The following NIFK variants were observed in gnomAD, a reference collection of about 807,000 sequenced individuals.
NIFK encodes the protein MKI67 FHA domain-interacting nucleolar phosphoprotein.
A neutral mutation model predicts 31.7 loss-of-function variants in NIFK; 16 were observed. The observed-to-expected ratio is 0.50, with a 90% CI of 0.34 to 0.77. The LOEUF (loss-of-function observed/expected upper bound fraction) is 0.77, where lower values mean the gene tolerates loss of function less well. Among genes scored for constraint, NIFK ranks in the 30% least tolerant of loss-of-function variants. The pLI is 0.01. For synonymous variants in NIFK, 126 were observed against 123.0 expected, an observed-to-expected ratio of 1.02 and a Z score of -0.16; for missense variants, 341 against 350.4, an observed-to-expected ratio of 0.97 and a Z score of 0.21.
At chr2:121,735,490 C>T in intron 2 of NIFK, 123 bp downstream of exon 2, 1 of 1,057,058 alleles carries the variant, frequency 9.5e-7, no homozygotes, top group South Asian at 1.4e-5. Context: ...TCTAAACCTC[C>T]TCCACTCTCC....
intron 4 of NIFK, among the ~76,000 whole-genome samples, chr2:121,729,261 T>G (rs1251262700): frequency 1.4e-5 from 2 of 146,112 alleles, no homozygotes; most frequent in Non-Finnish European, 3.0e-5. Context: ...CAGCTACTCG[T>G]GGGGGCTGAG....
rs764264805 is a variant in NIFK, at chr2:121,735,663, A to C, written c.193T>G (p.Phe65Val). ...CGTGTCACAGTGCCAAACTGGGAGA[A>C]ATATGAAAAGATCTGGGTTTCGTCA... ...LLDETQIFSY[F>V]SQFGTVTRFR... Residue 65 changes from phenylalanine to valine, a missense_variant, in exon 2 of 7, where the codon TTC becomes GTC. Physicochemically the swap from Phe to Val is conservative, Grantham distance 50. Transcript: ENST00000285814. 1.9e-6 allele frequency: 3 copies of C among 1,612,640 alleles called. No homozygotes were observed. In the East Asian group the frequency reaches 6.7e-5, roughly 36 times the overall value.
Position 121,727,581 on chromosome 2 carries a change from A to C in NIFK, c.*143T>G. On this transcript the variant is annotated 3_prime_UTR_variant, in exon 7 of 7. Transcript: ENST00000285814. ...AAGGGCAGGCAATCCAAAATTACAC[A>C]CTGCTTTCCTTAACTTGACCAAACA... The C allele has an allele frequency of 1.3e-6, 1 of 785,328 alleles. No individual in the cohort carries two copies. Among genetic ancestry groups the C allele is most frequent in the East Asian group, 2.7e-5 (1 of 37,434 alleles). The allele number at this position is 785,328 out of a possible 1,614,324, so 48.6% of individuals were successfully genotyped here. A position where few individuals can be genotyped will look rare whatever the true frequency, so the allele number is the denominator to read the frequency against.
chr2:121,732,213 G>C lies in NIFK; in HGVS notation c.244-9C>G. 1 of 1,520,064 alleles carries C rather than the reference G, an allele frequency of 6.6e-7. No individual in the cohort carries two copies. The highest frequency in any genetic ancestry group is 9.1e-7 in the Non-Finnish European group (1 of 1,100,558). 94.2% of individuals were successfully genotyped at this position (1,520,064 alleles called of 1,614,324 possible). ...CCTTTGCTATTTCCAGTCTGCAACAGAGAAACCGCCACAAAAAGTAGAACA... is the reference window on the plus strand; with the variant it reads ...CCTTTGCTATTTCCAGTCTGCAACACAGAAACCGCCACAAAAAGTAGAACA... On this transcript the variant is annotated splice_polypyrimidine_tract_variant and intron_variant, in intron 2 of 6. Transcript: ENST00000285814.
At chr2:121,734,106 AG>A (rs533149033) in intron 2 of NIFK, among the ~76,000 whole-genome samples, 19,015 of 152,064 alleles carry the variant, frequency 0.13, 2,765 homozygotes, top group African/African-American at 0.35. Context: ...TGGCCAAAAC[AG>A]TGTTTAGTAG....
chr2:121,727,598 G>C lies in NIFK; in HGVS notation c.*126C>G. On this transcript the variant is annotated 3_prime_UTR_variant, in exon 7 of 7. Coordinates refer to ENST00000285814, the MANE Select transcript of NIFK (RefSeq NM_032390.5). Reference sequence around the variant, plus strand: ...AATTACACACTGCTTTCCTTAACTTGACCAAACAGTGTATTTTTCCTCTGA... The same window carrying C: ...AATTACACACTGCTTTCCTTAACTTCACCAAACAGTGTATTTTTCCTCTGA... 1 of 839,142 alleles carries C rather than the reference G, an allele frequency of 1.2e-6. No homozygotes were observed. The allele number at this position is 839,142 out of a possible 1,614,324, so 52.0% of individuals were successfully genotyped here.
chr2:121,736,753 A>T lies in NIFK; in HGVS notation c.98T>A (p.Ile33Lys), dbSNP rs766932290. The T allele has an allele frequency of 1.4e-5, 23 of 1,613,646 alleles. No individual in the cohort carries two copies. Among genetic ancestry groups the T allele is most frequent in the Non-Finnish European group, 1.8e-5 (21 of 1,179,644 alleles). The part of the protein sequence containing the change: ...QKEVAQVRKR[I>K]TQRKKQEQLT... ...GCCAGGGTGCCTGCTCACCTGGGTT[A>T]TGCGCTTGCGAACCTGCGCCACCTC... Residue 33 changes from isoleucine to lysine, a missense_variant, in exon 1 of 7, where the codon ATA (isoleucine) becomes AAA (lysine). Physicochemically the swap from Ile to Lys is moderately radical, Grantham distance 102. Coordinates refer to ENST00000285814, the MANE Select transcript of NIFK (RefSeq NM_032390.5).
In NIFK at chr2:121,736,767, C is replaced by A. The variant is rs570833395; in HGVS notation, c.84G>T (p.Gln28His). 1 of 1,614,130 alleles carries A rather than the reference C, an allele frequency of 6.2e-7. No homozygotes were observed. The highest frequency in any genetic ancestry group is 1.7e-5 in the Admixed American group (1 of 60,026). ...EDVEFQKEVAQVRKRITQRKK... is the reference protein window; with the variant it reads ...EDVEFQKEVAHVRKRITQRKK... ...TCACCTGGGTTATGCGCTTGCGAAC[C>A]TGCGCCACCTCCTTTTGAAACTCGA... Residue 28 changes from glutamine to histidine, a missense_variant, in exon 1 of 7, where the codon CAG becomes CAT. By Grantham distance (24) the Gln-to-His change is conservative. Transcript: ENST00000285814.
chr2:121,732,159 C>T lies in NIFK; in HGVS notation c.289G>A (p.Asp97Asn). 1.2e-6 allele frequency: 2 copies of T among 1,613,746 alleles called. No individual in the cohort carries two copies. Among genetic ancestry groups the T allele is most frequent in the Non-Finnish European group, 1.7e-6 (2 of 1,179,630 alleles). Residue 97 changes from aspartate (D) to asparagine (N), a missense_variant, in exon 3 of 7, where the codon GAT becomes AAT. Physicochemically the swap from Asp to Asn is conservative, Grantham distance 23. Transcript: ENST00000285814. The part of the protein sequence containing the change: ...GYAFVEFESE[D>N]VAKIVAETMN... Reference sequence around the variant, plus strand: ...GTTTCAGCAACTATTTTGGCAACATCCTCAGACTCAAACTCCACAAATGCA... The same window carrying T: ...GTTTCAGCAACTATTTTGGCAACATTCTCAGACTCAAACTCCACAAATGCA...
At chr2:121,735,230 G>C (rs1165487059) in intron 2 of NIFK, among the ~76,000 whole-genome samples, 1 of 152,156 alleles carries the variant, frequency 6.6e-6, no homozygotes, top group Non-Finnish European at 1.5e-5. Flanking sequence ...ACTCTAACTA[G>C]TAAGGTGTAG....
rs1305035744 is a variant in NIFK, at chr2:121,732,087, A to C, written c.352+9T>G. On this transcript the variant is annotated intron_variant, in intron 3 of 6. Transcript: ENST00000285814. ...CCAGGCAACCCTGCGGTAAGACAGG[A>C]GCACTTACACTCCAAGAGTCTTTCA... 7.1e-6 allele frequency: 11 copies of C among 1,544,316 alleles called. No individual in the cohort carries two copies. The highest frequency in any genetic ancestry group is 9.8e-6 in the Non-Finnish European group (11 of 1,116,820).
intron 4 of NIFK, 37 bp downstream of exon 4, chr2:121,730,856 C>T (rs1211615350): frequency 6.7e-7 from 1 of 1,501,086 alleles, no homozygotes; most frequent in African/African-American, 1.4e-5. Flanking sequence ...CTCCCCTCCC[C>T]ACAACAAACC....
rs1289548450 is a variant in NIFK at position 121,731,021 on chromosome 2, C to G, written c.436G>C (p.Val146Leu). The G allele has an allele frequency of 6.2e-7, 1 of 1,612,978 alleles. No individual in the cohort carries two copies. Among genetic ancestry groups the G allele is most frequent in the Non-Finnish European group, 8.5e-7 (1 of 1,179,012 alleles). The change falls in exon 4 of 7, where the codon GTG becomes CTG. Residue 146 changes from valine to leucine, a missense_variant. By Grantham distance (32) the Val-to-Leu change is conservative. Transcript: ENST00000285814. ...GTCCGATTCCGATTATACCGTTTCA[C>G]TGATGGATATGATGGCTGCTTAAAT... Reference protein sequence around the residue: ...IPFKQPSYPSVKRYNRNRTLT... With the variant: ...IPFKQPSYPSLKRYNRNRTLT...
chr2:121,728,243 T>TA (rs768365051), intron 6 of NIFK, 45 bp downstream of exon 6: 2 of 1,187,150 alleles, frequency 1.7e-6, no homozygotes, highest in Middle Eastern at 2.8e-4. Context: ...TCCTTCAAAT[T>TA]ATTTCTATAA....
chr2:121,729,715 C>T (rs750595266), intron 4 of NIFK, among the ~76,000 whole-genome samples: 2 of 152,182 alleles, frequency 1.3e-5, no homozygotes, highest in African/African-American at 4.8e-5. Flanking sequence ...CAGGCACACA[C>T]TACCTCAACT....
chr2:121,731,167 C>T, intron 3 of NIFK, 63 bp from the exon 4 acceptor site: 2 of 884,266 alleles, frequency 2.3e-6, no homozygotes, highest in Non-Finnish European at 1.8e-6. Context: ...CTCCGCAGTG[C>T]CATTCCTCAC....
At chr2:121,732,490 C>T (rs918333099) in intron 2 of NIFK, among the ~76,000 whole-genome samples, 1 of 152,078 alleles carries the variant, frequency 6.6e-6, no homozygotes, top group Non-Finnish European at 1.5e-5. Context: ...AACAACACTC[C>T]GTGATATTAA....
intron 4 of NIFK, among the ~76,000 whole-genome samples, chr2:121,730,179 A>C (rs1298631165): frequency 6.6e-6 from 1 of 152,100 alleles, no homozygotes; most frequent in African/African-American, 2.4e-5. Context: ...GTGCCACTGC[A>C]CTCCAGCCTG....
At chr2:121,731,322 T>C (rs1361253870) in intron 3 of NIFK, 2 of 521,830 alleles carry the variant, frequency 3.8e-6, no homozygotes, top group African/African-American at 2.0e-5. Flanking sequence ...CATGCCACCA[T>C]GGGCACAGGG....
Sources: gnomAD v4.1 joint callset for allele counts (sites outside exome capture counted in the v4.1 genomes callset) on GRCh38, gnomAD v4.1.1 for gene constraint, MANE v1.5 for transcripts, NCBI Gene and HGNC (gene_info 2026-07-23, HGNC 2026-07-21) for gene names.